The following TDRD5 variants were observed in gnomAD, a reference collection of about 807,000 sequenced individuals.
TDRD5 encodes tudor domain-containing protein 5.
TDRD5 carries 41 observed loss-of-function variants against 120.6 expected under a neutral mutation model. That is an observed-to-expected ratio of 0.34 (90% confidence interval 0.26 to 0.44). The LOEUF is 0.44. TDRD5 is among the 20% of genes least tolerant of loss of function. The pLI is 1.00. For missense variants in TDRD5, 1,006 were observed against 1,221.2 expected (o/e 0.82, Z 2.63); for synonymous variants, 430 against 433.7 (o/e 0.99, Z 0.11).
chr1:179,608,623 C>T (rs370260037), intron 4 of TDRD5, among the ~76,000 whole-genome samples: 4 of 151,970 alleles, frequency 2.6e-5, no homozygotes, highest in African/African-American at 7.2e-5. Context: ...TTAATATACT[C>T]ATTTCTTCTA....
intron 2 of TDRD5, 130 bp downstream of exon 2, chr1:179,592,977 C>T (rs910130206): frequency 1.9e-5 from 18 of 960,464 alleles, no homozygotes; most frequent in Non-Finnish European, 2.6e-5. Context: ...GAGGGAGACT[C>T]ATAGGTGCTT....
At chr1:179,654,999 T>G (rs2102073508) in intron 14 of TDRD5, among the ~76,000 whole-genome samples, 1 of 152,266 alleles carries the variant, frequency 6.6e-6, no homozygotes, top group Middle Eastern at 3.4e-3. Context: ...GAGGATGTAT[T>G]TTTATTTTAA....
chr1:179,687,787 C>T (rs1273300960), intron 17 of TDRD5, among the ~76,000 whole-genome samples: 1 of 151,810 alleles, frequency 6.6e-6, no homozygotes, highest in East Asian at 1.9e-4. Context: ...GATCCCTTTA[C>T]CATTATGTAA....
rs774110745 is a variant in TDRD5 at position 179,677,499 on chromosome 1, TG to T, written c.2860+8098del. On this transcript the variant is annotated intron_variant, in intron 17 of 17. Coordinates refer to ENST00000444136, the MANE Select transcript of TDRD5 (RefSeq NM_001199085.3). ...AGTAGAGTATATAAGAGGGGAGATC[TG>T]GGATTCAAGGGCTGCTGTTCAGATT... 5.3e-5 allele frequency among the ~76,000 whole-genome samples: 8 copies of T among 152,322 alleles called. No homozygotes were observed. In the East Asian group the frequency reaches 1.5e-3, roughly 29 times the overall value.
rs757043270 is a variant in TDRD5, at chr1:179,690,992, G to A, written c.*49G>A. ...AACAGAATCCAGCCGCTTAGGCTTTGATGAACTCCCAGGCCAAAATGAGGA... is the reference window on the plus strand; with the variant it reads ...AACAGAATCCAGCCGCTTAGGCTTTAATGAACTCCCAGGCCAAAATGAGGA... On this transcript the variant is annotated 3_prime_UTR_variant, in exon 18 of 18. Coordinates refer to ENST00000444136, the MANE Select transcript of TDRD5 (RefSeq NM_001199085.3). 67 of 1,564,630 alleles carry A rather than the reference G, an allele frequency of 4.3e-5. No homozygotes were observed. Among genetic ancestry groups the A allele is most frequent in the Middle Eastern group, 3.5e-4 (2 of 5,744 alleles).
rs760987515 is a variant in TDRD5 at position 179,592,596 on chromosome 1, C to T, written c.-14-6C>T. The T allele has an allele frequency of 6.2e-7, 1 of 1,609,050 alleles. No individual in the cohort carries two copies. Among genetic ancestry groups the T allele is most frequent in the East Asian group, 2.2e-5 (1 of 44,810 alleles). On this transcript the variant is annotated splice_region_variant and splice_polypyrimidine_tract_variant and intron_variant, in intron 1 of 17. Coordinates refer to ENST00000444136, the MANE Select transcript of TDRD5 (RefSeq NM_001199085.3). ...CCCTTTTCCTCAGCTGCGTTTCTGT[C>T]TTCAGTCCTGTAGGGCACAATGTCT...
At chr1:179,609,047 G>A (rs185861280) in intron 4 of TDRD5, among the ~76,000 whole-genome samples, 31 of 152,224 alleles carry the variant, frequency 2.0e-4, no homozygotes, top group African/African-American at 7.5e-4. Flanking sequence ...GGGTCCTTAT[G>A]ATGGGATGAA....
chr1:179,640,262 G>A, intron 10 of TDRD5, 117 bp from the exon 11 acceptor site: 2 of 1,216,528 alleles, frequency 1.6e-6, no homozygotes, highest in Admixed American at 3.7e-5. Flanking sequence ...AATTTTGAAT[G>A]GACGATGAGA....
intron 9 of TDRD5, among the ~76,000 whole-genome samples, chr1:179,638,733 G>A (rs1677896067): frequency 1.6e-5 from 2 of 127,072 alleles, no homozygotes. Context: ...AAAGAAGTGG[G>A]GGATGGGAGA....
intron 17 of TDRD5, among the ~76,000 whole-genome samples, chr1:179,681,045 G>T (rs1007370861): frequency 2.0e-5 from 3 of 150,966 alleles, no homozygotes; most frequent in Admixed American, 6.7e-5. Flanking sequence ...ATGCAAAACC[G>T]CACCACGTGT....
chr1:179,645,079 T>TTTTC, intron 11 of TDRD5, among the ~76,000 whole-genome samples: 1 of 119,788 alleles, frequency 8.3e-6, no homozygotes, highest in African/African-American at 3.4e-5. Flanking sequence ...CATTTTTCTT[T>TTTTC]TTTTTTTTTT....
intron 6 of TDRD5, among the ~76,000 whole-genome samples, chr1:179,624,028 G>A (rs1255318575): frequency 3.3e-5 from 5 of 152,048 alleles, no homozygotes; most frequent in Admixed American, 6.6e-5. Context: ...TTCTCGTAAC[G>A]TGGACACAAA....
intron 9 of TDRD5, 71 bp from the exon 10 acceptor site, chr1:179,639,768 G>A: frequency 6.6e-7 from 1 of 1,518,832 alleles, no homozygotes; most frequent in South Asian, 1.2e-5. Flanking sequence ...TTTCTGGCTT[G>A]ATACATTGAT....
chr1:179,683,778 C>T (rs538670158), intron 17 of TDRD5, among the ~76,000 whole-genome samples: 7 of 152,146 alleles, frequency 4.6e-5, no homozygotes, highest in African/African-American at 1.2e-4. Flanking sequence ...CAAGCAGCTA[C>T]GTTGCTGAAC....
intron 7 of TDRD5, among the ~76,000 whole-genome samples, chr1:179,632,615 T>A (rs11810320): frequency 0.42 from 64,423 of 151,860 alleles, 13,880 homozygotes; most frequent in East Asian, 0.47. Flanking sequence ...TCTTTTTTTT[T>A]AATCACAAAA....
At chr1:179,614,788 T>C (rs1676477433) in intron 4 of TDRD5, among the ~76,000 whole-genome samples, 1 of 152,112 alleles carries the variant, frequency 6.6e-6, no homozygotes, top group South Asian at 2.1e-4. Context: ...AAAAATTTTA[T>C]ATATGGTGCA....
chr1:179,677,330 C>T (rs1680190445), intron 17 of TDRD5, among the ~76,000 whole-genome samples: 3 of 152,102 alleles, frequency 2.0e-5, no homozygotes. Context: ...TGATAATCAA[C>T]CTTCTGAAAT....
chr1:179,647,362 A>C (rs1678438581), intron 11 of TDRD5, among the ~76,000 whole-genome samples: 2 of 150,732 alleles, frequency 1.3e-5, no homozygotes, highest in Admixed American at 1.3e-4. Context: ...AGGATTCCCT[A>C]TTTAATAAAT....
chr1:179,635,767 TA>T lies in TDRD5; in HGVS notation c.1401del (p.Asp468ThrfsTer6), dbSNP rs1185237271. ...PNKKLCRLPP[L>X]DTSSLIGVFV... ...AAGAAATTATGCAGACTCCCACCAT[TA>T]GACACCAGTTCCCTCATAGGGGTCT... On this transcript the variant is annotated frameshift_variant, in exon 9 of 18. Coordinates refer to ENST00000444136, the MANE Select transcript of TDRD5 (RefSeq NM_001199085.3). LOFTEE classifies it high-confidence loss of function. 6.2e-7 allele frequency: 1 copy of T among 1,614,064 alleles called. No individual in the cohort carries two copies. Among genetic ancestry groups the T allele is most frequent in the East Asian group, 2.2e-5 (1 of 44,880 alleles).
Sources: allele counts gnomAD v4.1 joint callset (sites outside exome capture counted in the v4.1 genomes callset), GRCh38; gene constraint gnomAD v4.1.1; transcripts MANE v1.5; gene names NCBI Gene and HGNC (gene_info 2026-07-23, HGNC 2026-07-21).